The following DPP10 variants were observed in gnomAD, a reference collection of about 807,000 sequenced individuals.
The protein encoded by DPP10 is inactive dipeptidyl peptidase 10.
A neutral mutation model predicts 120.9 loss-of-function variants in DPP10; 33 were observed. The observed-to-expected ratio is 0.27, with a 90% confidence interval of 0.21 to 0.37. The LOEUF is 0.37. Among genes scored for constraint, DPP10 ranks in the 10% least tolerant of loss-of-function variants. DPP10 has a pLI of 1.00. For missense variants in DPP10, 816 were observed against 942.8 expected (o/e 0.87, Z 1.76); for synonymous variants, 337 against 326.1 (o/e 1.03, Z -0.36).
rs569542851 is a variant in DPP10, at chr2:115,484,166, G to A, written c.272-15344G>A. On this transcript the variant is annotated intron_variant, in intron 3 of 25. Coordinates refer to ENST00000410059, the MANE Select transcript of DPP10 (RefSeq NM_020868.6). ...CCCCCCCCCACACACAAACACACAGGTGCACACATACATGTGCACATAGTC... is the reference window on the plus strand; with the variant it reads ...CCCCCCCCCACACACAAACACACAGATGCACACATACATGTGCACATAGTC... Among the ~76,000 whole-genome samples the A allele has an allele frequency of 8.8e-4, 133 of 150,926 alleles. 1 individual carries two copies. Among genetic ancestry groups the A allele is most frequent in the Non-Finnish European group, 1.5e-3 (104 of 67,806 alleles).
chr2:114,704,000 G>A (rs563543473), intron 1 of DPP10, among the ~76,000 whole-genome samples: 4 of 152,134 alleles, frequency 2.6e-5, no homozygotes, highest in East Asian at 1.9e-4. Context: ...CCACAGAGCC[G>A]GGCTGTACCA....
At chr2:115,280,472 A>G (rs2060114074) in intron 1 of DPP10, among the ~76,000 whole-genome samples, 2 of 152,224 alleles carry the variant, frequency 1.3e-5, no homozygotes, top group South Asian at 2.1e-4. Flanking sequence ...TATCAGTCCT[A>G]TAGCTCAGTG....
intron 1 of DPP10, among the ~76,000 whole-genome samples, chr2:115,252,412 G>T (rs2058795362): frequency 6.6e-6 from 1 of 152,046 alleles, no homozygotes; most frequent in African/African-American, 2.4e-5. Flanking sequence ...ACTGCAATGG[G>T]CTGTTAACCT....
intron 1 of DPP10, among the ~76,000 whole-genome samples, chr2:114,674,232 A>G (rs1290741823): frequency 6.6e-6 from 1 of 152,006 alleles, no homozygotes; most frequent in Non-Finnish European, 1.5e-5. Flanking sequence ...AAATTATCCT[A>G]AGTAAATAAT....
intron 1 of DPP10, among the ~76,000 whole-genome samples, chr2:114,916,395 T>C (rs1028295828): frequency 1.3e-5 from 2 of 152,092 alleles, no homozygotes; most frequent in African/African-American, 4.8e-5. Context: ...TCCAGATGTA[T>C]ACAGAAGATC....
chr2:115,736,011 C>T (rs542294598), intron 8 of DPP10, among the ~76,000 whole-genome samples: 1 of 152,202 alleles, frequency 6.6e-6, no homozygotes, highest in East Asian at 1.9e-4. Flanking sequence ...AGCTTAGTAA[C>T]TGTGTTTTGT....
In DPP10 at chr2:115,739,871, G is replaced by A. The variant is rs867349991; in HGVS notation, c.830G>A (p.Gly277Glu). ...TTTACTGGAGCGTTGTATCCCAAAG[G>A]AAAGCAGTATCCGTATCCTAAGGTA... ...PRFTGALYPK[G>E]KQYPYPKAGQ... is the part of the protein sequence containing the mutation. Residue 277 changes from glycine to glutamate, a missense_variant, in exon 9 of 26, where the codon GGA (glycine) becomes GAA (glutamate). Around this residue, in one of 3 missense-constraint regions of DPP10, gnomAD observed 592 missense variants for 649.0 expected, o/e 0.91. Coordinates refer to ENST00000410059, the MANE Select transcript of DPP10 (RefSeq NM_020868.6). 6.2e-7 allele frequency: 1 copy of A among 1,613,300 alleles called. No individual in the cohort carries two copies. The highest frequency in any genetic ancestry group is 2.2e-5 in the East Asian group (1 of 44,848).
At chr2:114,837,013 C>G (rs936856657) in intron 1 of DPP10, among the ~76,000 whole-genome samples, 2 of 152,058 alleles carry the variant, frequency 1.3e-5, no homozygotes, top group African/African-American at 2.4e-5. Flanking sequence ...TCAAGGTGCC[C>G]AGATTTCATA....
At chr2:114,509,743 G>A (rs1683976537) in intron 1 of DPP10, among the ~76,000 whole-genome samples, 1 of 152,122 alleles carries the variant, frequency 6.6e-6, no homozygotes, top group African/African-American at 2.4e-5. Context: ...TGATAGTGTT[G>A]GATATTTGAA....
intron 3 of DPP10, among the ~76,000 whole-genome samples, chr2:115,449,828 G>T (rs1186265823): frequency 6.6e-6 from 1 of 152,076 alleles, no homozygotes; most frequent in Admixed American, 6.6e-5. Flanking sequence ...AGGTAGTACA[G>T]AAGTTACGTG....
At chr2:114,892,490 A>C (rs1364421487) in intron 1 of DPP10, among the ~76,000 whole-genome samples, 1 of 152,220 alleles carries the variant, frequency 6.6e-6, no homozygotes, top group Non-Finnish European at 1.5e-5. Context: ...ATAATCTATG[A>C]TCCAGCTTGT....
chr2:115,473,241 G>C (rs2074849542), intron 3 of DPP10, among the ~76,000 whole-genome samples: 2 of 152,122 alleles, frequency 1.3e-5, no homozygotes, highest in South Asian at 4.1e-4. Context: ...TTATTAATCT[G>C]ATTTGATTTA....
chr2:115,486,796 G>A (rs1358665130), intron 3 of DPP10, among the ~76,000 whole-genome samples: 1 of 152,090 alleles, frequency 6.6e-6, no homozygotes, highest in Non-Finnish European at 1.5e-5. Context: ...GAATGAAATG[G>A]TCGTGTGAAA....
intron 1 of DPP10, among the ~76,000 whole-genome samples, chr2:114,853,087 T>C (rs536714006): frequency 9.8e-5 from 15 of 152,296 alleles, no homozygotes; most frequent in African/African-American, 3.4e-4. Flanking sequence ...TTTCATGGTA[T>C]GATTTGTATA....
At chr2:114,561,081 C>G (rs143059816) in intron 1 of DPP10, among the ~76,000 whole-genome samples, 1 of 152,224 alleles carries the variant, frequency 6.6e-6, no homozygotes, top group Non-Finnish European at 1.5e-5. Context: ...GTCTCCTGTC[C>G]CTCCACACCA....
chr2:115,161,518 G>GCGGCGCC (rs1437406679), intron 1 of DPP10: 1 of 151,996 alleles, frequency 6.6e-6, no homozygotes, highest in Non-Finnish European at 1.5e-5. Context: ...AGGCCGGAGC[G>GCGGCGCC]CGGCGCCCGG....
intron 1 of DPP10, among the ~76,000 whole-genome samples, chr2:114,645,343 A>T (rs1401222574): frequency 6.6e-6 from 1 of 152,206 alleles, no homozygotes; most frequent in Non-Finnish European, 1.5e-5. Flanking sequence ...CCTAAACCAT[A>T]GGCCAAGATA....
At chr2:114,965,416 C>T (rs1162058378) in intron 1 of DPP10, among the ~76,000 whole-genome samples, 1 of 152,006 alleles carries the variant, frequency 6.6e-6, no homozygotes, top group Non-Finnish European at 1.5e-5. Context: ...GATTACAAGC[C>T]TGATCCACCG....
At chr2:114,448,099 G>T (rs868448830) in intron 1 of DPP10, among the ~76,000 whole-genome samples, 1 of 151,934 alleles carries the variant, frequency 6.6e-6, no homozygotes, top group African/African-American at 2.4e-5. Context: ...TTAAAATGAA[G>T]CATTATAGTT....
Sources: allele counts gnomAD v4.1 joint callset (sites outside exome capture counted in the v4.1 genomes callset), GRCh38; gene constraint gnomAD v4.1.1; regional missense constraint gnomAD v4.1.1; transcripts MANE v1.5; gene names NCBI Gene and HGNC (gene_info 2026-07-23, HGNC 2026-07-21).